Variants in TRAPPC8 observed in about 807,000 individuals in gnomAD.
The protein encoded by TRAPPC8 is general sporulation gene 1 homolog.
In TRAPPC8, 54 loss-of-function variants were observed where a neutral mutation model predicts 174.3. The ratio of observed to expected loss-of-function variants is 0.31; its 90% CI spans 0.25 to 0.39. The LOEUF (loss-of-function observed/expected upper bound fraction) is 0.39. TRAPPC8 is among the 10% of genes least tolerant of loss of function. The pLI is 1.00. For missense variants in TRAPPC8, 1,531 were observed against 1,699.1 expected, an observed-to-expected ratio of 0.90 and a Z score of 1.74; for synonymous variants, 630 against 579.9, an observed-to-expected ratio of 1.09 and a Z score of -1.24.
intron 12 of TRAPPC8, among the ~76,000 whole-genome samples, chr18:31,881,126 A>C (rs1455517622): frequency 1.3e-5 from 2 of 152,164 alleles, no homozygotes; most frequent in African/African-American, 4.8e-5. Flanking sequence ...CATTTTCCAC[A>C]GAATTAGAAA....
intron 5 of TRAPPC8, among the ~76,000 whole-genome samples, chr18:31,910,118 T>G (rs1404581543): frequency 2.6e-5 from 4 of 152,158 alleles, no homozygotes; most frequent in Non-Finnish European, 5.9e-5. Flanking sequence ...GCAAGAGAGA[T>G]GGACTACTAG....
chr18:31,927,376 C>T (rs999092277), intron 2 of TRAPPC8, among the ~76,000 whole-genome samples: 8 of 152,076 alleles, frequency 5.3e-5, no homozygotes, highest in African/African-American at 1.7e-4. Flanking sequence ...GATTCTCCTG[C>T]CACAGCCTTC....
At chr18:31,837,284 A>T (rs575050669) in intron 27 of TRAPPC8, among the ~76,000 whole-genome samples, 1 of 151,904 alleles carries the variant, frequency 6.6e-6, no homozygotes, top group African/African-American at 2.4e-5. Context: ...TGCTATTGGA[A>T]TATGCAAATT....
intron 19 of TRAPPC8, among the ~76,000 whole-genome samples, 157 bp downstream of exon 19, chr18:31,864,470 T>C (rs2145155808): frequency 6.6e-6 from 1 of 152,302 alleles, no homozygotes; most frequent in Admixed American, 6.5e-5. Context: ...CATGATTGCC[T>C]TACATTGTGA....
chr18:31,897,780 C>A lies in TRAPPC8; in HGVS notation c.1596+6G>T. ...AATTAAAGCAAATACTACACAGTTT[C>A]AGTACCTCACTGGTCAACCGTATTA... On this transcript the variant is annotated splice_donor_region_variant and intron_variant, in intron 11 of 28. Coordinates refer to ENST00000283351, the MANE Select transcript of TRAPPC8 (RefSeq NM_014939.5). 6.4e-7 allele frequency: 1 copy of A among 1,573,034 alleles called. No individual in the cohort carries two copies. The highest frequency in any genetic ancestry group is 8.6e-7 in the Non-Finnish European group (1 of 1,157,282).
intron 9 of TRAPPC8, among the ~76,000 whole-genome samples, chr18:31,902,701 T>C (rs1482297064): frequency 6.6e-6 from 1 of 152,158 alleles, no homozygotes; most frequent in Non-Finnish European, 1.5e-5. Flanking sequence ...CAGTCTCCAC[T>C]TTGCACAGCT....
Position 31,931,355 on chromosome 18 carries a change from G to A in TRAPPC8, c.326C>T (p.Ala109Val), listed in dbSNP as rs1184430342. The A allele has an allele frequency of 5.6e-6, 9 of 1,600,884 alleles. No individual in the cohort carries two copies. The highest frequency in any genetic ancestry group is 6.8e-6 in the Non-Finnish European group (8 of 1,173,976). ...AEGLVANVITAGDYDLNISAT... is the reference protein window; with the variant it reads ...AEGLVANVITVGDYDLNISAT... The stretch of plus-strand genomic sequence containing the variant: ...ACTGATGTTAAGGTCATAATCTCCT[G>A]CTGTAATCACATTAGCTACTAATCC... The change falls in exon 2 of 29, where the codon GCA becomes GTA. Residue 109 changes from alanine (A) to valine (V), a missense_variant. By Grantham distance (64) the Ala-to-Val change is moderately conservative. Transcript: ENST00000283351.
At chr18:31,870,803 TTA>T in intron 15 of TRAPPC8, 121 bp downstream of exon 15, 4 of 952,618 alleles carry the variant, frequency 4.2e-6, no homozygotes, top group Non-Finnish European at 6.0e-6. Context: ...GCTCAGTAAA[TTA>T]TGAGTTCCTA....
chr18:31,928,543 AT>A lies in TRAPPC8; in HGVS notation c.352+2785del, dbSNP rs1159234320. Among the ~76,000 whole-genome samples the A allele has an allele frequency of 2.0e-5, 3 of 152,150 alleles. No individual in the cohort carries two copies. In the East Asian group the frequency reaches 5.8e-4, roughly 29 times the overall value. ...TGTCTCTTAAAAATAAGAAAAAAAA[AT>A]AAAAGAAATAAATATAAGACAAAAA... On this transcript the variant is annotated intron_variant, in intron 2 of 28. Transcript: ENST00000283351.
intron 12 of TRAPPC8, among the ~76,000 whole-genome samples, chr18:31,879,512 A>G (rs959043268): frequency 1.3e-5 from 2 of 152,182 alleles, no homozygotes; most frequent in Admixed American, 6.5e-5. Flanking sequence ...CTAAATGCTT[A>G]TATCAAAAAG....
chr18:31,920,035 C>T (rs562793108), intron 2 of TRAPPC8, among the ~76,000 whole-genome samples: 1 of 152,202 alleles, frequency 6.6e-6, no homozygotes, highest in South Asian at 2.1e-4. Flanking sequence ...CAAAGTAAGT[C>T]TACCTGGAAA....
rs186489770 is a variant in TRAPPC8, at chr18:31,891,216, T to A, written c.1597-350A>T. ...TTAATACAGGTATACCGATAAAAAA[T>A]AAACCAGAAAACATTTACACCAATC... On this transcript the variant is annotated intron_variant, in intron 11 of 28. Transcript: ENST00000283351. 1.3e-3 allele frequency: 192 copies of A among 152,520 alleles called. 4 individuals carry two copies. The highest frequency in any genetic ancestry group is 0.012 in the East Asian group (61 of 5,234). The allele number at this position is 152,520 out of a possible 1,614,324, so 9.4% of individuals were successfully genotyped here.
intron 22 of TRAPPC8, among the ~76,000 whole-genome samples, chr18:31,853,379 T>A (rs910210151): frequency 2.6e-5 from 4 of 152,206 alleles, no homozygotes; most frequent in Non-Finnish European, 4.4e-5. Flanking sequence ...GCAATTCTCC[T>A]GCCTCAGCCT....
intron 2 of TRAPPC8, chr18:31,926,433 G>C (rs530124056): frequency 7.3e-5 from 11 of 151,616 alleles, no homozygotes; most frequent in African/African-American, 2.4e-4. Context: ...TGAGAAACTA[G>C]CAACAGACAC....
rs2033780954 is a variant in TRAPPC8, at chr18:31,852,783, TAA to T, written c.3434-122_3434-121del. 7.3e-6 allele frequency: 6 copies of T among 821,978 alleles called. No homozygotes were observed. In the African/African-American group the frequency reaches 1.0e-4, roughly 14 times the overall value. 50.9% of individuals were successfully genotyped at this position (821,978 alleles called of 1,614,324 possible). A position where few individuals can be genotyped will look rare whatever the true frequency, so the allele number is the denominator to read the frequency against. On this transcript the variant is annotated intron_variant, in intron 22 of 28. Coordinates refer to ENST00000283351, the MANE Select transcript of TRAPPC8 (RefSeq NM_014939.5). ...ATAATTCGTAATTATAAATAATGTT[TAA>T]TGAAGAACATCTTTGTTTTTATCTC...
At position 31,908,942 on chromosome 18, in the gene TRAPPC8, T is replaced by C. The variant is rs200912463; in HGVS notation, c.934A>G (p.Ile312Val). The change falls in exon 7 of 29, where the codon ATT becomes GTT. Residue 312 changes from isoleucine to valine, a missense_variant. Transcript: ENST00000283351. ...GATCTTAGATGATCTGGGCCATCAA[T>C]ACTGTTAGAAGGGTCACTGGATTGC... ...LEQSSDPSNS[I>V]DGPDHLRSAS... is the part of the protein sequence containing the mutation. The C allele has an allele frequency of 3.7e-6, 6 of 1,613,754 alleles. No individual in the cohort carries two copies. Among genetic ancestry groups the C allele is most frequent in the East Asian group, 4.5e-5 (2 of 44,852 alleles).
At chr18:31,899,746 A>C (rs534799078) in intron 10 of TRAPPC8, among the ~76,000 whole-genome samples, 9 of 152,152 alleles carry the variant, frequency 5.9e-5, no homozygotes, top group Non-Finnish European at 1.3e-4. Context: ...AAAGTTTGAG[A>C]CCAGCCTGGC....
At position 31,890,805 on chromosome 18, in the gene TRAPPC8, T is replaced by C. The variant is rs148187575; in HGVS notation, c.1658A>G (p.Lys553Arg). 5.6e-5 allele frequency: 91 copies of C among 1,612,550 alleles called. No individual in the cohort carries two copies. Among genetic ancestry groups the C allele is most frequent in the Non-Finnish European group, 7.2e-5 (85 of 1,179,156 alleles). ...EQAAHCFINM[K>R]SPMVRKYAFH... ...TGCATATTTTCTAACCATGGGACTTTTCATGTTTATAAAGCAATGTGCTGC... is the reference window on the plus strand; with the variant it reads ...TGCATATTTTCTAACCATGGGACTTCTCATGTTTATAAAGCAATGTGCTGC... The change falls in exon 12 of 29, where the codon AAA becomes AGA. Residue 553 changes from lysine to arginine, a missense_variant. By Grantham distance (26) the Lys-to-Arg change is conservative (BLOSUM62 2). Coordinates refer to ENST00000283351, the MANE Select transcript of TRAPPC8 (RefSeq NM_014939.5).
chr18:31,874,433 TA>T, intron 13 of TRAPPC8, 46 bp downstream of exon 13: 2 of 1,527,756 alleles, frequency 1.3e-6, no homozygotes, highest in Middle Eastern at 1.7e-4. Context: ...ACTTTCACAC[TA>T]AAATACAGTT....
Sources: allele counts gnomAD v4.1 joint callset (sites outside exome capture counted in the v4.1 genomes callset), GRCh38; gene constraint gnomAD v4.1.1; transcripts MANE v1.5; gene names NCBI Gene and HGNC (gene_info 2026-07-23, HGNC 2026-07-21).